DGUOK: variants seen among roughly 807,000 people sequenced by gnomAD.
The protein encoded by DGUOK is deoxyguanosine kinase, mitochondrial.
DGUOK carries 30 observed loss-of-function variants against 36.6 expected under a neutral mutation model. The ratio of observed to expected loss-of-function variants is 0.82; its 90% CI spans 0.61 to 1.11. The LOEUF (loss-of-function observed/expected upper bound fraction) is 1.11, where lower values mean the gene tolerates loss of function less well. Ranked by LOEUF, DGUOK falls within the 50% of genes most tolerant of loss-of-function variation. DGUOK has a pLI of 0.00. For missense variants in DGUOK, 361 were observed against 336.4 expected (o/e 1.07, Z -0.57); for synonymous variants, 145 against 126.3 (o/e 1.15, Z -0.99).
chr2:73,937,163 T>A (rs1681530087), intron 1 of DGUOK, among the ~76,000 whole-genome samples: 1 of 152,336 alleles, frequency 6.6e-6, no homozygotes, highest in Admixed American at 6.5e-5. Context: ...TTGGAGTTTG[T>A]CATGAAGCTT....
At chr2:73,956,686 C>T (rs1305969018) in intron 4 of DGUOK, among the ~76,000 whole-genome samples, 1 of 152,210 alleles carries the variant, frequency 6.6e-6, no homozygotes, top group Admixed American at 6.5e-5. Flanking sequence ...ATATGCTTCC[C>T]TGCCTCCAGG....
At chr2:73,956,985 G>GA (rs1683148293) in intron 4 of DGUOK, 140 bp from the exon 5 acceptor site, 1 of 491,896 alleles carries the variant, frequency 2.0e-6, no homozygotes, top group African/African-American at 2.3e-5. Context: ...GATTGCATAA[G>GA]AAAACAAGAC....
chr2:73,954,590 C>T (rs1682953804), intron 4 of DGUOK, among the ~76,000 whole-genome samples: 1 of 152,038 alleles, frequency 6.6e-6, no homozygotes, highest in Non-Finnish European at 1.5e-5. Flanking sequence ...TAGCCAGCCC[C>T]ATGGAATCAA....
chr2:73,927,554 G>A (rs1038586284), intron 1 of DGUOK, among the ~76,000 whole-genome samples: 1 of 152,146 alleles, frequency 6.6e-6, no homozygotes, highest in African/African-American at 2.4e-5. Context: ...ATTTTATCTG[G>A]CAACCCTATT....
At chr2:73,938,462 C>G (rs1681643071) in intron 1 of DGUOK, among the ~76,000 whole-genome samples, 1 of 152,180 alleles carries the variant, frequency 6.6e-6, no homozygotes, top group African/African-American at 2.4e-5. Context: ...AGCTCATAGT[C>G]AGCACTCCAT....
chr2:73,927,695 G>A lies in DGUOK; in HGVS notation c.142+643G>A, dbSNP rs549501718. ...CCTCACTTTTTAAACTTAAAAACAT[G>A]TATTAAATTAAAAATTATTTTGTTA... On this transcript the variant is annotated intron_variant, in intron 1 of 6. Transcript: ENST00000264093. 4.6e-5 allele frequency among the ~76,000 whole-genome samples: 7 copies of A among 152,268 alleles called. No individual in the cohort carries two copies. In the East Asian group the frequency reaches 1.3e-3, roughly 29 times the overall value.
At chr2:73,956,546 A>G (rs4852323) in intron 4 of DGUOK, among the ~76,000 whole-genome samples, 75,749 of 152,022 alleles carry the variant, frequency 0.5, 19,585 homozygotes, top group Non-Finnish European at 0.54. Context: ...GCTCAATACA[A>G]CTTACCTCAG....
At chr2:73,938,828 C>A in intron 1 of DGUOK, 82 bp from the exon 2 acceptor site, 1 of 915,652 alleles carries the variant, frequency 1.1e-6, no homozygotes, top group South Asian at 1.3e-5. Context: ...TGAGTTTGGG[C>A]GTTTGTGGCA....
intron 4 of DGUOK, among the ~76,000 whole-genome samples, chr2:73,950,973 CA>C (rs1229173901): frequency 6.6e-6 from 1 of 152,160 alleles, no homozygotes; most frequent in East Asian, 1.9e-4. Context: ...GTAGGAACAA[CA>C]GAGCAAATCG....
intron 3 of DGUOK, among the ~76,000 whole-genome samples, chr2:73,948,956 T>C (rs553540139): frequency 5.3e-5 from 8 of 152,148 alleles, no homozygotes; most frequent in African/African-American, 1.9e-4. Flanking sequence ...CTTTATAAGA[T>C]CCTTTTTTGT....
At chr2:73,945,006 C>T (rs831550) in intron 2 of DGUOK, among the ~76,000 whole-genome samples, 103,855 of 152,074 alleles carry the variant, frequency 0.68, 35,681 homozygotes, top group Non-Finnish European at 0.69. Context: ...GAGTTAAATG[C>T]TTTTCTGGTC....
intron 1 of DGUOK, among the ~76,000 whole-genome samples, chr2:73,937,579 G>C (rs1681564379): frequency 6.6e-6 from 1 of 152,336 alleles, no homozygotes; most frequent in African/African-American, 2.4e-5. Flanking sequence ...TTCTGTCAGT[G>C]AGTGGATGGT....
intron 6 of DGUOK, 21 bp from the exon 7 acceptor site, chr2:73,958,689 C>T (rs752763453): frequency 6.2e-7 from 1 of 1,605,470 alleles, no homozygotes; most frequent in Non-Finnish European, 8.5e-7. Flanking sequence ...AATTAAACTT[C>T]TGATTTTCTC....
Position 73,926,883 on chromosome 2 carries a change from A to G in DGUOK, c.-28A>G, listed in dbSNP as rs1412029626. The stretch of plus-strand genomic sequence containing the variant: ...CTAGGGCGGAAGTGCTCTCGGCGGA[A>G]GTGATCGCTGTGTGAATCGTGGGTG... On this transcript the variant is annotated 5_prime_UTR_variant, in exon 1 of 7. Transcript: ENST00000264093. 47 of 1,612,734 alleles carry G rather than the reference A, an allele frequency of 2.9e-5. No homozygotes were observed. The highest frequency in any genetic ancestry group is 3.8e-5 in the Non-Finnish European group (45 of 1,180,012).
At chr2:73,944,508 G>C (rs1431815611) in intron 2 of DGUOK, among the ~76,000 whole-genome samples, 1 of 152,088 alleles carries the variant, frequency 6.6e-6, no homozygotes, top group Non-Finnish European at 1.5e-5. Flanking sequence ...TTATCAGCAA[G>C]GCCGTATCTT....
intron 2 of DGUOK, among the ~76,000 whole-genome samples, chr2:73,941,089 C>G (rs1387227490): frequency 6.6e-6 from 1 of 152,202 alleles, no homozygotes; most frequent in Non-Finnish European, 1.5e-5. Flanking sequence ...TCATAAGAGA[C>G]ACTGTAGCTT....
intron 4 of DGUOK, among the ~76,000 whole-genome samples, chr2:73,953,811 C>T (rs866638313): frequency 6.6e-6 from 1 of 150,842 alleles, no homozygotes; most frequent in Non-Finnish European, 1.5e-5. Context: ...CTCCGCCTCC[C>T]GGGTTCACAG....
chr2:73,933,668 T>G (rs1681230757), intron 1 of DGUOK, among the ~76,000 whole-genome samples: 1 of 152,020 alleles, frequency 6.6e-6, no homozygotes. Context: ...ATGTATTAAG[T>G]TTTTTTTAAG....
At chr2:73,930,438 T>G (rs1020774198) in intron 1 of DGUOK, among the ~76,000 whole-genome samples, 1 of 152,176 alleles carries the variant, frequency 6.6e-6, no homozygotes, top group South Asian at 2.1e-4. Context: ...CCTGATGATG[T>G]TATTATTTAA....
Sources: gnomAD v4.1 joint callset for allele counts (sites outside exome capture counted in the v4.1 genomes callset) on GRCh38, gnomAD v4.1.1 for gene constraint, MANE v1.5 for transcripts, NCBI Gene and HGNC (gene_info 2026-07-23, HGNC 2026-07-21) for gene names.